The following FKBP9 variants were observed in gnomAD, a reference collection of about 807,000 sequenced individuals.
FKBP9 encodes FKBP prolyl isomerase 9.
A neutral mutation model predicts 55.6 loss-of-function variants in FKBP9; 27 were observed. The observed-to-expected ratio is 0.49, with a 90% confidence interval of 0.36 to 0.67. The LOEUF (loss-of-function observed/expected upper bound fraction) is 0.67. Ranked by LOEUF, FKBP9 falls within the 30% of genes least tolerant of loss-of-function variation. The probability of loss-of-function intolerance (pLI) is 0.00; values close to 1 mark genes in which losing one functional copy is unlikely to be tolerated. For missense variants in FKBP9, 539 were observed against 742.8 expected (o/e 0.73, Z 3.19); for synonymous variants, 267 against 296.5 (o/e 0.90, Z 1.02).
intron 6 of FKBP9, among the ~76,000 whole-genome samples, chr7:32,989,329 C>G (rs1562571900): frequency 6.6e-6 from 1 of 152,172 alleles, no homozygotes; most frequent in Non-Finnish European, 1.5e-5. Context: ...AAAAGTTACA[C>G]AAATCATACA....
At chr7:32,990,592 G>A (rs1784661386) in intron 6 of FKBP9, among the ~76,000 whole-genome samples, 1 of 152,070 alleles carries the variant, frequency 6.6e-6, no homozygotes, top group Non-Finnish European at 1.5e-5. Flanking sequence ...TAATCAATAC[G>A]GACAAACATG....
chr7:32,970,762 A>C (rs1035455046), intron 1 of FKBP9, among the ~76,000 whole-genome samples: 8 of 151,880 alleles, frequency 5.3e-5, no homozygotes, highest in African/African-American at 1.7e-4. Context: ...AATGTTTATT[A>C]GTTTTAACAG....
chr7:32,983,390 C>G (rs1455108607), intron 5 of FKBP9, among the ~76,000 whole-genome samples: 1 of 151,638 alleles, frequency 6.6e-6, no homozygotes, highest in Non-Finnish European at 1.5e-5. Flanking sequence ...CCTCGGCTCA[C>G]TGCAACCTCC....
chr7:32,986,733 C>G (rs1227893047), intron 5 of FKBP9, among the ~76,000 whole-genome samples: 1 of 152,224 alleles, frequency 6.6e-6, no homozygotes, highest in Non-Finnish European at 1.5e-5. Context: ...ACCCCCACAG[C>G]TCTGCCTGTG....
At chr7:32,991,364 C>A (rs927542344) in intron 6 of FKBP9, among the ~76,000 whole-genome samples, 3 of 152,020 alleles carry the variant, frequency 2.0e-5, no homozygotes, top group Non-Finnish European at 2.9e-5. Flanking sequence ...GAGGTATAAA[C>A]CCCAAGTGCT....
At chr7:32,988,829 A>G in intron 6 of FKBP9, 177 bp downstream of exon 6, 1 of 609,490 alleles carries the variant, frequency 1.6e-6, no homozygotes, top group Non-Finnish European at 2.8e-6. Flanking sequence ...CTTGGCCTCA[A>G]GTGATCCTCT....
In FKBP9 at chr7:33,005,373, G is replaced by A; in HGVS notation, c.*22G>A. 6.2e-7 allele frequency: 1 copy of A among 1,613,204 alleles called. No homozygotes were observed. Among genetic ancestry groups the A allele is most frequent in the Non-Finnish European group, 8.5e-7 (1 of 1,179,374 alleles). ...CTAAACCTGGCATGAACCAGATGGT[G>A]CCAGGGAGTACGTGACACCAAGCCA... is the stretch of plus-strand genomic sequence containing the variant. On this transcript the variant is annotated 3_prime_UTR_variant, in exon 10 of 10. Transcript: ENST00000242209.
chr7:32,977,791 A>ATATATATACTTATATATATATATG (rs1418797705), intron 4 of FKBP9, among the ~76,000 whole-genome samples: 1 of 141,420 alleles, frequency 7.1e-6, no homozygotes, highest in South Asian at 2.2e-4. Context: ...ATCTCCATAT[A>ATATATATACTTATATATATATATG]TATATATATA....
At chr7:32,965,809 AAAAATAT>A (rs1246769440) in intron 1 of FKBP9, among the ~76,000 whole-genome samples, 5 of 16,704 alleles carry the variant, frequency 3.0e-4, no homozygotes, top group South Asian at 2.3e-3. Flanking sequence ...AAAAAAAAAA[AAAAATAT>A]ATATATATAT....
intron 1 of FKBP9, among the ~76,000 whole-genome samples, chr7:32,958,664 A>G (rs1412685516): frequency 1.3e-5 from 2 of 152,224 alleles, no homozygotes; most frequent in African/African-American, 4.8e-5. Flanking sequence ...CCATCACAAA[A>G]CAAAACACAA....
chr7:33,002,356 C>T (rs1336275495), intron 8 of FKBP9, among the ~76,000 whole-genome samples: 1 of 152,168 alleles, frequency 6.6e-6, no homozygotes, highest in Non-Finnish European at 1.5e-5. Context: ...TGGTCTTGAA[C>T]TCCTAATCTC....
Position 33,005,427 on chromosome 7 carries a change from G to A in FKBP9, c.*76G>A. ...GTGTGGCAAGACGTGCAGTGAGGGT[G>A]CAAGGGTCTCTCAGAAGTTGCATCA... On this transcript the variant is annotated 3_prime_UTR_variant, in exon 10 of 10. Coordinates refer to ENST00000242209, the MANE Select transcript of FKBP9 (RefSeq NM_007270.5). 1 of 1,536,002 alleles carries A rather than the reference G, an allele frequency of 6.5e-7. No homozygotes were observed. The highest frequency in any genetic ancestry group is 8.9e-7 in the Non-Finnish European group (1 of 1,125,138).
At chr7:33,002,086 C>G (rs1014803011) in intron 8 of FKBP9, 1 of 151,752 alleles carries the variant, frequency 6.6e-6, no homozygotes, top group Non-Finnish European at 1.5e-5. Flanking sequence ...AATTTAAACT[C>G]AAGTTTCATG....
intron 6 of FKBP9, among the ~76,000 whole-genome samples, chr7:32,993,531 A>G (rs368298508): frequency 3.3e-5 from 5 of 152,328 alleles, no homozygotes; most frequent in African/African-American, 2.4e-5. Context: ...TTTAGCATTT[A>G]TCAAAATTTC....
chr7:33,002,684 G>C lies in FKBP9; in HGVS notation c.1381G>C (p.Val461Leu). Residue 461 changes from valine (V) to leucine (L), a missense_variant, in exon 9 of 10, where the codon GTG becomes CTG. Coordinates refer to ENST00000242209, the MANE Select transcript of FKBP9 (RefSeq NM_007270.5). ...TCCTGTCACCTGGACAGATGGAGAA[G>C]TGCCCGGCAGTGCCGTATTAGTGTT... ...GYGEAGVDGE[V>L]PGSAVLVFDI... The C allele has an allele frequency of 6.2e-7, 1 of 1,613,820 alleles. No individual in the cohort carries two copies. The highest frequency in any genetic ancestry group is 8.5e-7 in the Non-Finnish European group (1 of 1,179,890).
intron 7 of FKBP9, 32 bp downstream of exon 7, chr7:32,996,381 C>G (rs372246199): frequency 6.5e-7 from 1 of 1,544,708 alleles, no homozygotes; most frequent in African/African-American, 1.4e-5. Context: ...TGGGAGTGAG[C>G]CTGGAGGGTG....
chr7:32,986,758 T>C (rs6462441), intron 5 of FKBP9, among the ~76,000 whole-genome samples: 139,733 of 151,956 alleles, frequency 0.92, 64,323 homozygotes, highest in Middle Eastern at 0.95. Flanking sequence ...GGCCTGGCCC[T>C]GCTCGGCAGT....
chr7:32,978,075 C>G (rs1784401135), intron 4 of FKBP9, among the ~76,000 whole-genome samples: 1 of 151,636 alleles, frequency 6.6e-6, no homozygotes, highest in Non-Finnish European at 1.5e-5. Context: ...GCGTATGCAA[C>G]CATGCCTGGC....
At chr7:33,000,969 A>G (rs1052990590) in intron 8 of FKBP9, among the ~76,000 whole-genome samples, 49 of 152,010 alleles carry the variant, frequency 3.2e-4, no homozygotes, top group African/African-American at 1.0e-3. Context: ...TTAGAGACAG[A>G]GTCTCGCTAT....
Sources: gnomAD v4.1 joint callset for allele counts (sites outside exome capture counted in the v4.1 genomes callset) on GRCh38, gnomAD v4.1.1 for gene constraint, MANE v1.5 for transcripts, NCBI Gene and HGNC (gene_info 2026-07-23, HGNC 2026-07-21) for gene names.